MBP: variants seen among roughly 807,000 people sequenced by gnomAD.
MBP encodes myelin basic protein.
In MBP, 16 loss-of-function variants were observed where a neutral mutation model predicts 35.8. The ratio of observed to expected loss-of-function variants is 0.45; its 90% CI spans 0.30 to 0.68. MBP has a LOEUF of 0.68. MBP is among the 30% of genes least tolerant of loss of function. The pLI is 0.08. For missense variants in MBP, 380 were observed against 404.7 expected (o/e 0.94, Z 0.52); for synonymous variants, 143 against 159.6 (o/e 0.90, Z 0.78).
chr18:77,047,255 G>A (rs974220212), intron 3 of MBP, among the ~76,000 whole-genome samples: 2 of 152,240 alleles, frequency 1.3e-5, no homozygotes, highest in African/African-American at 4.8e-5. Flanking sequence ...GAGCTGATGC[G>A]TGGATGAACT....
Position 76,988,055 on chromosome 18 carries a change from C to T in MBP, c.750+440G>A, listed in dbSNP as rs2123112309. 1 of 1,429,808 alleles carries T rather than the reference C, an allele frequency of 7.0e-7. No individual in the cohort carries two copies. Among genetic ancestry groups the T allele is most frequent in the Non-Finnish European group, 9.1e-7 (1 of 1,093,526 alleles). The allele number at this position is 1,429,808 out of a possible 1,614,324, so 88.6% of individuals were successfully genotyped here. On this transcript the variant is annotated intron_variant, in intron 7 of 8. Coordinates refer to ENST00000355994, the MANE Select transcript of MBP (RefSeq NM_001025101.2). The surrounding 1 kb of genome is among the most constrained non-coding windows in gnomAD (Gnocchi z 5.2). ...CTATTTAGCCTCTTTTTCTGTTCAT[C>T]AGCAGAATCATTTTCCCAGTGTCAG...
rs549517179 is a variant in MBP at position 77,132,029 on chromosome 18, C to T, written c.-26+551G>A. Among the ~76,000 whole-genome samples, 411 of 152,236 alleles carry T rather than the reference C, an allele frequency of 2.7e-3. 5 individuals are homozygous for T. The highest frequency in any genetic ancestry group is 9.0e-3 in the African/African-American group (374 of 41,562). On this transcript the variant is annotated intron_variant, in intron 1 of 8. Coordinates refer to ENST00000355994, the MANE Select transcript of MBP (RefSeq NM_001025101.2). ...GCAGGAGCGCGATCGCGCGCGGGGC[C>T]CCCGGGGTGTGATTAGCAGGCGCCG...
At chr18:77,081,715 C>T (rs1273960561) in intron 2 of MBP, among the ~76,000 whole-genome samples, 1 of 149,438 alleles carries the variant, frequency 6.7e-6, no homozygotes, top group Admixed American at 6.7e-5. Flanking sequence ...AAACAGATGT[C>T]CACACAGAGC....
intron 3 of MBP, among the ~76,000 whole-genome samples, chr18:77,041,717 G>A (rs1013342476): frequency 1.1e-4 from 16 of 141,582 alleles, no homozygotes; most frequent in African/African-American, 4.2e-4. Flanking sequence ...TCATAGGTGG[G>A]AATTGAACAA....
chr18:77,043,586 G>A (rs1311841588), intron 3 of MBP, among the ~76,000 whole-genome samples: 5 of 23,054 alleles, frequency 2.2e-4, no homozygotes, highest in Non-Finnish European at 3.5e-4. Flanking sequence ...CCAGGCCAGC[G>A]TGACACTCAG....
chr18:77,074,453 T>G (rs553353126), intron 2 of MBP, among the ~76,000 whole-genome samples: 3 of 152,284 alleles, frequency 2.0e-5, no homozygotes, highest in African/African-American at 7.2e-5. Flanking sequence ...TATCACACTT[T>G]CGTAGGATTC....
chr18:77,020,062 C>T lies in MBP; in HGVS notation c.140-2794G>A, dbSNP rs1487716202. Reference sequence around the variant, plus strand: ...GCAGCTATGTGGCGAGAAGACAGGGCTTGGTTTGGGGAGCAGCGGGGCCTG... The same window carrying T: ...GCAGCTATGTGGCGAGAAGACAGGGTTTGGTTTGGGGAGCAGCGGGGCCTG... On this transcript the variant is annotated intron_variant, in intron 3 of 8. Coordinates refer to ENST00000355994, the MANE Select transcript of MBP (RefSeq NM_001025101.2). This position sits in a 1 kb window ranked among gnomAD's most constrained non-coding sequence, Gnocchi z 4.1. 1.3e-5 allele frequency among the ~76,000 whole-genome samples: 2 copies of T among 152,058 alleles called. No homozygotes were observed. Among genetic ancestry groups the T allele is most frequent in the Non-Finnish European group, 2.9e-5 (2 of 68,002 alleles).
chr18:77,023,400 T>C (rs993333681), intron 3 of MBP, among the ~76,000 whole-genome samples: 68 of 152,238 alleles, frequency 4.5e-4, no homozygotes, highest in African/African-American at 1.5e-3. Context: ...CTGCCACTCC[T>C]TCTTTTGGAC....
intron 2 of MBP, among the ~76,000 whole-genome samples, chr18:77,070,093 G>A (rs545583881): frequency 1.4e-4 from 22 of 152,264 alleles, no homozygotes; most frequent in Admixed American, 1.4e-3. Flanking sequence ...GTAAGCAAAA[G>A]GTCTACTCGC....
At chr18:76,996,103 T>C (rs12456341) in intron 4 of MBP, among the ~76,000 whole-genome samples, 53,362 of 152,046 alleles carry the variant, frequency 0.35, 10,255 homozygotes, top group East Asian at 0.57. Context: ...AGCATCATCA[T>C]TAGCATCAGG....
intron 8 of MBP, 34 bp downstream of exon 8, chr18:76,984,741 C>T (rs767058368): frequency 1.1e-5 from 18 of 1,613,434 alleles, no homozygotes; most frequent in Non-Finnish European, 1.4e-5. Context: ...GCCCTTAGTC[C>T]CCGCTCAGTG....
upstream of MBP, chr18:77,133,402 C>T (rs913226801): frequency 6.6e-6 from 1 of 152,288 alleles, no homozygotes; most frequent in Non-Finnish European, 1.5e-5. Context: ...GCGGAAAAGA[C>T]AGCAAAACAC....
At chr18:77,007,508 A>G (rs1182960132) in intron 4 of MBP, among the ~76,000 whole-genome samples, 1 of 152,206 alleles carries the variant, frequency 6.6e-6, no homozygotes, top group Non-Finnish European at 1.5e-5. Context: ...TCTAGCACGC[A>G]TCCCTGGGAG....
intron 1 of MBP, among the ~76,000 whole-genome samples, chr18:77,128,996 TC>T (rs1275418481): frequency 6.6e-6 from 1 of 152,162 alleles, no homozygotes; most frequent in African/African-American, 2.4e-5. Flanking sequence ...TAAAAAAAAA[TC>T]TTTTTGCCAT....
chr18:77,096,603 A>C (rs1037791920), intron 2 of MBP, among the ~76,000 whole-genome samples: 4 of 152,356 alleles, frequency 2.6e-5, no homozygotes, highest in Non-Finnish European at 4.4e-5. Flanking sequence ...ATTAAATAGA[A>C]AAATCCAGAA....
intron 4 of MBP, chr18:77,013,208 G>A (rs1212537718): frequency 1.0e-6 from 1 of 985,306 alleles, no homozygotes; most frequent in Non-Finnish European, 1.2e-6. Flanking sequence ...AAGAATCTGT[G>A]GCCAAATCTC....
intron 7 of MBP, chr18:76,987,229 A>T: frequency 1.0e-6 from 1 of 985,478 alleles, no homozygotes; most frequent in Non-Finnish European, 1.2e-6. Context: ...GCAGTAGCTA[A>T]AATAAGATTT....
chr18:77,074,969 T>C (rs576592706), intron 2 of MBP, among the ~76,000 whole-genome samples: 2 of 152,342 alleles, frequency 1.3e-5, no homozygotes, highest in Non-Finnish European at 2.9e-5. Context: ...CCACATGTTC[T>C]AGGCAATACT....
At chr18:76,996,350 A>G (rs1970270503) in intron 4 of MBP, among the ~76,000 whole-genome samples, 1 of 152,230 alleles carries the variant, frequency 6.6e-6, no homozygotes, top group African/African-American at 2.4e-5. Context: ...TATATTGGCC[A>G]CCAATCTTTT....
Sources: allele counts gnomAD v4.1 joint callset (sites outside exome capture counted in the v4.1 genomes callset), GRCh38; gene constraint gnomAD v4.1.1; non-coding constraint Gnocchi (gnomAD v3.1); transcripts MANE v1.5; gene names NCBI Gene and HGNC (gene_info 2026-07-23, HGNC 2026-07-21).